TTC28: variants seen among roughly 807,000 people sequenced by gnomAD.
TTC28 encodes tetratricopeptide repeat protein 28.
TTC28 carries 61 observed loss-of-function variants against 198.0 expected under a neutral mutation model. That is an observed-to-expected ratio of 0.31 (90% CI 0.25 to 0.38). TTC28 has a LOEUF of 0.38. Ranked by LOEUF, TTC28 falls within the 10% of genes least tolerant of loss-of-function variation. TTC28 has a pLI of 1.00. For missense variants in TTC28, 2,678 were observed against 3,164.0 expected (o/e 0.85, Z 3.69); for synonymous variants, 1,171 against 1,297.8 (o/e 0.90, Z 2.10).
intron 4 of TTC28, among the ~76,000 whole-genome samples, chr22:28,297,362 C>T (rs2145783349): frequency 6.6e-6 from 1 of 151,800 alleles, no homozygotes; most frequent in East Asian, 1.9e-4. Context: ...AGGTACACCA[C>T]ACCCAGCTAT....
chr22:28,313,267 G>A (rs919944013), intron 2 of TTC28, among the ~76,000 whole-genome samples: 2 of 152,070 alleles, frequency 1.3e-5, no homozygotes, highest in South Asian at 2.1e-4. Context: ...ATTCACAGGC[G>A]AATTCTACCA....
intron 5 of TTC28, among the ~76,000 whole-genome samples, chr22:28,215,384 C>T (rs575666226): frequency 6.6e-6 from 1 of 152,210 alleles, no homozygotes; most frequent in Non-Finnish European, 1.5e-5. Context: ...GTGCTACTAT[C>T]TCACACACTA....
At chr22:28,472,197 A>G (rs1276522441) in intron 2 of TTC28, among the ~76,000 whole-genome samples, 1 of 152,102 alleles carries the variant, frequency 6.6e-6, no homozygotes, top group African/African-American at 2.4e-5. Flanking sequence ...TCACGTTTCA[A>G]TTCTCCGCCT....
At chr22:28,267,216 A>G (rs981239573) in intron 5 of TTC28, among the ~76,000 whole-genome samples, 1 of 152,178 alleles carries the variant, frequency 6.6e-6, no homozygotes, top group Admixed American at 6.5e-5. Context: ...TTCTTACTCT[A>G]TATCTTGAAA....
intron 2 of TTC28, among the ~76,000 whole-genome samples, chr22:28,553,477 A>C (rs6005811): frequency 8.8e-5 from 13 of 147,868 alleles, no homozygotes; most frequent in African/African-American, 7.5e-5. Flanking sequence ...GCCCGGCCGC[A>C]ACCCCGTCTG....
intron 2 of TTC28, among the ~76,000 whole-genome samples, chr22:28,365,002 C>G (rs1363136072): frequency 6.6e-6 from 1 of 152,172 alleles, no homozygotes; most frequent in Non-Finnish European, 1.5e-5. Flanking sequence ...TACTATCAAA[C>G]AGCATTGCAT....
intron 2 of TTC28, among the ~76,000 whole-genome samples, chr22:28,336,593 C>T (rs2045723965): frequency 6.6e-6 from 1 of 151,894 alleles, no homozygotes; most frequent in Non-Finnish European, 1.5e-5. Flanking sequence ...AGGAATTTAT[C>T]CATTTCTTCT....
chr22:28,536,217 AAAAC>A (rs1569007834), intron 2 of TTC28, among the ~76,000 whole-genome samples: 5 of 149,284 alleles, frequency 3.3e-5, no homozygotes, highest in Non-Finnish European at 4.5e-5. Context: ...AAAAAAAAAA[AAAAC>A]ATAAAAATAA....
chr22:28,284,889 G>A (rs1210980144), intron 5 of TTC28, among the ~76,000 whole-genome samples: 1 of 152,186 alleles, frequency 6.6e-6, no homozygotes, highest in Non-Finnish European at 1.5e-5. Flanking sequence ...CTTGTGCACT[G>A]CTGGTGGGAA....
intron 2 of TTC28, among the ~76,000 whole-genome samples, chr22:28,546,826 T>C (rs967725711): frequency 6.6e-5 from 10 of 152,152 alleles, no homozygotes; most frequent in African/African-American, 1.9e-4. Context: ...AAGAGCAATA[T>C]GGATGAAACT....
At chr22:28,256,421 C>CAA (rs60958364) in intron 5 of TTC28, among the ~76,000 whole-genome samples, 33 of 65,294 alleles carry the variant, frequency 5.1e-4, no homozygotes, top group African/African-American at 6.2e-4. Flanking sequence ...AACTCCGTCT[C>CAA]AAAAAAAAAA....
At chr22:28,552,370 A>G (rs570121724) in intron 2 of TTC28, among the ~76,000 whole-genome samples, 1 of 152,174 alleles carries the variant, frequency 6.6e-6, no homozygotes, top group Non-Finnish European at 1.5e-5. Context: ...TCACGGAACG[A>G]GAAAAAAAAT....
chr22:28,426,434 T>C (rs567563580), intron 2 of TTC28, among the ~76,000 whole-genome samples: 1 of 152,240 alleles, frequency 6.6e-6, no homozygotes, highest in African/African-American at 2.4e-5. Context: ...CATAGTCCAT[T>C]TTCTGAATCT....
chr22:28,369,138 G>T (rs989723274), intron 2 of TTC28, among the ~76,000 whole-genome samples: 7 of 152,158 alleles, frequency 4.6e-5, no homozygotes, highest in Admixed American at 4.6e-4. Flanking sequence ...GCTATCCTGA[G>T]CAAAAAGAAC....
chr22:27,988,323 T>C (rs1310358937), intron 21 of TTC28, among the ~76,000 whole-genome samples: 1 of 149,526 alleles, frequency 6.7e-6, no homozygotes, highest in Non-Finnish European at 1.5e-5. Flanking sequence ...TTTTTGCTCT[T>C]GTCGCCCAGG....
chr22:28,015,682 T>C (rs1938341613), intron 13 of TTC28, among the ~76,000 whole-genome samples: 1 of 151,994 alleles, frequency 6.6e-6, no homozygotes, highest in African/African-American at 2.4e-5. Flanking sequence ...CACCTTGGCC[T>C]CCTAAAGTGT....
intron 5 of TTC28, among the ~76,000 whole-genome samples, chr22:28,201,751 C>CAAA (rs34790960): frequency 9.3e-4 from 75 of 80,976 alleles, no homozygotes; most frequent in African/African-American, 1.8e-3. Context: ...TTACAGAAAG[C>CAAA]AAAAAAAAAA....
At chr22:28,056,805 C>T (rs73427710) in intron 12 of TTC28, among the ~76,000 whole-genome samples, 2,593 of 152,212 alleles carry the variant, frequency 0.017, 75 homozygotes, top group African/African-American at 0.059. Context: ...TAATTTTTAC[C>T]CCAGCCCTGG....
At chr22:28,456,452 T>C (rs1184033957) in intron 2 of TTC28, among the ~76,000 whole-genome samples, 1 of 152,202 alleles carries the variant, frequency 6.6e-6, no homozygotes, top group African/African-American at 2.4e-5. Context: ...GTAACTAAAA[T>C]ATACAAATAT....
Sources: gnomAD v4.1 joint callset for allele counts (sites outside exome capture counted in the v4.1 genomes callset) on GRCh38, gnomAD v4.1.1 for gene constraint, MANE v1.5 for transcripts, NCBI Gene and HGNC (gene_info 2026-07-23, HGNC 2026-07-21) for gene names.